The following NOX4 variants were observed in gnomAD, a reference collection of about 807,000 sequenced individuals.
NOX4 encodes the protein NADPH oxidase 4.
In NOX4, 69 loss-of-function variants were observed where a neutral mutation model predicts 87.6. The ratio of observed to expected loss-of-function variants is 0.79; its 90% CI spans 0.65 to 0.96. The LOEUF (loss-of-function observed/expected upper bound fraction) is 0.96, where lower values mean the gene tolerates loss of function less well. NOX4 is among the 40% of genes least tolerant of loss of function. NOX4 has a pLI of 0.00. For synonymous variants in NOX4, 275 were observed against 238.2 expected, an observed-to-expected ratio of 1.15 and a Z score of -1.42; for missense variants, 680 against 681.5, an observed-to-expected ratio of 1.00 and a Z score of 0.02.
At chr11:89,332,427 G>T (rs1350181500) in intron 17 of NOX4, among the ~76,000 whole-genome samples, 1 of 151,668 alleles carries the variant, frequency 6.6e-6, no homozygotes, top group Non-Finnish European at 1.5e-5. Context: ...CTCAAAACAG[G>T]ATATACATTT....
chr11:89,459,455 A>T (rs191901796), intron 2 of NOX4, among the ~76,000 whole-genome samples: 3,481 of 146,780 alleles, frequency 0.024, 136 homozygotes, highest in African/African-American at 0.09. Flanking sequence ...ATAAAACTTT[A>T]AAAAAAACTC....
At chr11:89,561,193 G>A in the NOX4 span, among the ~76,000 whole-genome samples, 8 of 148,510 alleles carry the variant, frequency 5.4e-5, no homozygotes, top group Non-Finnish European at 8.9e-5. Context: ...TATCTCTTAT[G>A]GTAATTCCAT....
chr11:89,582,537 C>G, the NOX4 span, among the ~76,000 whole-genome samples: 18 of 152,062 alleles, frequency 1.2e-4, no homozygotes, highest in Non-Finnish European at 2.1e-4. Flanking sequence ...CAAAACTTGT[C>G]TTTGAACTAC....
chr11:89,519,542 T>G, the NOX4 span, among the ~76,000 whole-genome samples: 1 of 152,008 alleles, frequency 6.6e-6, no homozygotes, highest in South Asian at 2.1e-4. Flanking sequence ...AGGTGAACAT[T>G]TTTTCCAACA....
intron 4 of NOX4, among the ~76,000 whole-genome samples, chr11:89,445,271 T>C (rs1251072109): frequency 1.3e-5 from 2 of 152,042 alleles, no homozygotes; most frequent in African/African-American, 2.4e-5. Context: ...TAGCCTGGAA[T>C]CTAGAAAACT....
intron 2 of NOX4, among the ~76,000 whole-genome samples, chr11:89,463,007 G>A (rs1945539324): frequency 6.6e-6 from 1 of 151,836 alleles, no homozygotes; most frequent in East Asian, 1.9e-4. Flanking sequence ...AATTCTAGGT[G>A]TATGTATGGA....
At chr11:89,468,477 G>A (rs1351473012) in intron 2 of NOX4, among the ~76,000 whole-genome samples, 1 of 152,170 alleles carries the variant, frequency 6.6e-6, no homozygotes, top group Admixed American at 6.5e-5. Flanking sequence ...TACTACGGAT[G>A]CTATCTGCTA....
the NOX4 span, among the ~76,000 whole-genome samples, chr11:89,536,962 T>C: frequency 5.9e-5 from 9 of 152,200 alleles, no homozygotes; most frequent in African/African-American, 2.2e-4. Flanking sequence ...AACAACTACA[T>C]AGTTATTGGA....
At chr11:89,381,392 T>C (rs1940274496) in intron 11 of NOX4, among the ~76,000 whole-genome samples, 1 of 152,154 alleles carries the variant, frequency 6.6e-6, no homozygotes, top group Admixed American at 6.5e-5. Flanking sequence ...AATGGCCGGT[T>C]CCTGCCTTTG....
At chr11:89,476,812 C>G (rs1591350316) in intron 2 of NOX4, among the ~76,000 whole-genome samples, 2 of 152,198 alleles carry the variant, frequency 1.3e-5, no homozygotes, top group Non-Finnish European at 2.9e-5. Flanking sequence ...ACAAAAGAAG[C>G]ACACGGCCAC....
At chr11:89,573,408 G>A in the NOX4 span, among the ~76,000 whole-genome samples, 1,544 of 152,224 alleles carry the variant, frequency 0.01, 17 homozygotes, top group South Asian at 0.049. Context: ...GCGTGGTGGC[G>A]GACGCCTGTA....
the NOX4 span, among the ~76,000 whole-genome samples, chr11:89,559,040 T>C: frequency 4.6e-5 from 7 of 152,128 alleles, no homozygotes; most frequent in Non-Finnish European, 8.8e-5. Flanking sequence ...AAACTTAACA[T>C]ACTATCTCAT....
chr11:89,589,551 C>A, the NOX4 span: 1 of 152,174 alleles, frequency 6.6e-6, no homozygotes, highest in African/African-American at 2.4e-5. Flanking sequence ...GCTTAGCAGC[C>A]TCATCTGAGA....
chr11:89,516,821 T>A, the NOX4 span, among the ~76,000 whole-genome samples: 2 of 152,058 alleles, frequency 1.3e-5, no homozygotes. Flanking sequence ...AGCCAGTAAG[T>A]CTAGGGGTGT....
chr11:89,475,522 T>C (rs1946130345), intron 2 of NOX4, among the ~76,000 whole-genome samples: 1 of 151,998 alleles, frequency 6.6e-6, no homozygotes, highest in Non-Finnish European at 1.5e-5. Flanking sequence ...ACCTTGAAAA[T>C]ATTTAATGGC....
intron 8 of NOX4, among the ~76,000 whole-genome samples, chr11:89,410,495 C>T (rs1048756722): frequency 6.6e-6 from 1 of 152,162 alleles, no homozygotes; most frequent in Admixed American, 6.5e-5. Flanking sequence ...ACACTCCTAT[C>T]CCCAGAACCA....
chr11:89,428,295 A>C (rs1423466784), intron 7 of NOX4, among the ~76,000 whole-genome samples: 1 of 150,818 alleles, frequency 6.6e-6, no homozygotes, highest in African/African-American at 2.5e-5. Context: ...TCGATGCTAG[A>C]AGAAACTGCA....
chr11:89,445,301 A>G (rs1214277641), intron 4 of NOX4, among the ~76,000 whole-genome samples: 2 of 152,018 alleles, frequency 1.3e-5, no homozygotes, highest in East Asian at 3.9e-4. Flanking sequence ...CCCACAACCC[A>G]TAATGTAAAA....
intron 11 of NOX4, among the ~76,000 whole-genome samples, chr11:89,384,453 C>T (rs762576956): frequency 5.3e-4 from 81 of 152,286 alleles, no homozygotes; most frequent in African/African-American, 1.9e-3. Context: ...CACACATGCT[C>T]TCCCAGCTGA....
Sources: gnomAD v4.1 joint callset for allele counts (sites outside exome capture counted in the v4.1 genomes callset) on GRCh38, gnomAD v4.1.1 for gene constraint, MANE v1.5 for transcripts, NCBI Gene and HGNC (gene_info 2026-07-23, HGNC 2026-07-21) for gene names.